MYO18B: variants seen among roughly 807,000 people sequenced by gnomAD.
The protein encoded by MYO18B is myosin XVIIIB.
MYO18B carries 204 observed loss-of-function variants against 273.0 expected under a neutral mutation model. The observed-to-expected ratio is 0.75, with a 90% CI of 0.67 to 0.84. The LOEUF (loss-of-function observed/expected upper bound fraction) is 0.84, where lower values mean the gene tolerates loss of function less well. Among genes scored for constraint, MYO18B ranks in the 40% least tolerant of loss-of-function variants. The probability of loss-of-function intolerance (pLI) is 0.00; values close to 1 mark genes in which losing one functional copy is unlikely to be tolerated. For missense variants in MYO18B, 3,212 were observed against 3,287.6 expected, an observed-to-expected ratio of 0.98 and a Z score of 0.56; for synonymous variants, 1,330 against 1,305.7, an observed-to-expected ratio of 1.02 and a Z score of -0.40.
At chr22:25,997,610 T>C (rs1933432756) in intron 40 of MYO18B, among the ~76,000 whole-genome samples, 1 of 152,170 alleles carries the variant, frequency 6.6e-6, no homozygotes, top group South Asian at 2.1e-4. Flanking sequence ...AAATTGCCCA[T>C]GAAGTCTCAA....
At position 25,952,436 on chromosome 22, in the gene MYO18B, T is replaced by A. The variant is rs760323799; in HGVS notation, c.5970+13T>A. The A allele has an allele frequency of 9.3e-6, 15 of 1,612,586 alleles. No homozygotes were observed. The highest frequency in any genetic ancestry group is 1.0e-5 in the Non-Finnish European group (12 of 1,179,426). On this transcript the variant is annotated intron_variant, in intron 38 of 43. Transcript: ENST00000335473. The stretch of plus-strand genomic sequence containing the variant: ...TAAGAGATTTGAGGTACGTAGTGAT[T>A]CATAAATAGTGCCTGGGCCAAGAGC...
At chr22:25,799,689 T>A (rs2088100845) in intron 12 of MYO18B, among the ~76,000 whole-genome samples, 1 of 152,222 alleles carries the variant, frequency 6.6e-6, no homozygotes, top group South Asian at 2.1e-4. Context: ...TCCCGGGCCC[T>A]GTGGCCTATT....
At chr22:25,980,766 G>A (rs1240998195) in intron 39 of MYO18B, among the ~76,000 whole-genome samples, 5 of 152,168 alleles carry the variant, frequency 3.3e-5, no homozygotes, top group African/African-American at 7.2e-5. Context: ...AAAAGAGCAC[G>A]TGGTGTTGTA....
At chr22:25,854,348 A>G (rs1024778423) in intron 21 of MYO18B, among the ~76,000 whole-genome samples, 2 of 152,218 alleles carry the variant, frequency 1.3e-5, no homozygotes, top group African/African-American at 2.4e-5. Context: ...ACCATGAGCT[A>G]AGACAGTATT....
chr22:25,928,037 C>T (rs1361294437), intron 34 of MYO18B, among the ~76,000 whole-genome samples: 7 of 151,988 alleles, frequency 4.6e-5, no homozygotes, highest in Non-Finnish European at 7.4e-5. Context: ...AACACCAGTG[C>T]GTAAAAGGGC....
chr22:25,973,719 G>A (rs1601727385), intron 39 of MYO18B, among the ~76,000 whole-genome samples: 2 of 152,166 alleles, frequency 1.3e-5, no homozygotes, highest in East Asian at 3.9e-4. Flanking sequence ...TCTCAAACAA[G>A]CATAATCCTT....
intron 34 of MYO18B, among the ~76,000 whole-genome samples, chr22:25,928,951 C>T (rs1212651732): frequency 1.3e-5 from 2 of 152,072 alleles, no homozygotes; most frequent in Non-Finnish European, 2.9e-5. Flanking sequence ...CACCTGAGGT[C>T]AGGAGTTCAA....
chr22:26,002,124 G>T (rs1934011579), intron 40 of MYO18B, among the ~76,000 whole-genome samples: 1 of 152,190 alleles, frequency 6.6e-6, no homozygotes. Context: ...AGCTGCTTTT[G>T]TTCCACTGCA....
chr22:25,752,836 G>T (rs1418568495), intron 1 of MYO18B, among the ~76,000 whole-genome samples: 1 of 152,172 alleles, frequency 6.6e-6, no homozygotes, highest in Non-Finnish European at 1.5e-5. Flanking sequence ...TGGAGGGAGG[G>T]ACGCAGGCGG....
chr22:25,968,174 T>C (rs1283863470), intron 39 of MYO18B, among the ~76,000 whole-genome samples: 1 of 152,046 alleles, frequency 6.6e-6, no homozygotes, highest in Non-Finnish European at 1.5e-5. Flanking sequence ...AGAAGTAGAA[T>C]CTCATTGACC....
At chr22:26,004,643 CT>C in intron 41 of MYO18B, 74 bp from the exon 42 acceptor site, 1 of 1,562,888 alleles carries the variant, frequency 6.4e-7, no homozygotes, top group Non-Finnish European at 8.7e-7. Context: ...CTGGCTTATG[CT>C]ATGGGTGAAT....
At chr22:26,007,581 C>T (rs542816369) in intron 42 of MYO18B, among the ~76,000 whole-genome samples, 1 of 152,130 alleles carries the variant, frequency 6.6e-6, no homozygotes, top group South Asian at 2.1e-4. Flanking sequence ...TACTGAGCAC[C>T]AGATCCTACG....
In MYO18B at chr22:25,777,726, G is replaced by C. The variant is rs1434042649; in HGVS notation, c.2013G>C (p.Glu671Asp). The C allele has an allele frequency of 6.2e-7, 1 of 1,611,036 alleles. No individual in the cohort carries two copies. Among genetic ancestry groups the C allele is most frequent in the Non-Finnish European group, 8.5e-7 (1 of 1,178,472 alleles). The change falls in exon 8 of 44, where the codon GAG (glutamate) becomes GAC (aspartate). Residue 671 changes from glutamate (E) to aspartate (D), a missense_variant. By Grantham distance (45) the Glu-to-Asp change is conservative. Coordinates refer to ENST00000335473, the MANE Select transcript of MYO18B (RefSeq NM_032608.7). ...GCGCTGGGAAGACCACCTGCTGTGA[G>C]CAGGTCCTGGAACACCTGGTGGGGA... is the stretch of plus-strand genomic sequence containing the variant. Reference protein sequence around the residue: ...WSGAGKTTCCEQVLEHLVGMA... With the variant: ...WSGAGKTTCCDQVLEHLVGMA...
chr22:25,824,448 G>C (rs2089413063), intron 13 of MYO18B, among the ~76,000 whole-genome samples: 1 of 152,130 alleles, frequency 6.6e-6, no homozygotes, highest in South Asian at 2.1e-4. Context: ...AACTGCCGTG[G>C]GGGAAAAACA....
At chr22:25,795,023 TGCCTG>T (rs1268006347) in intron 11 of MYO18B, among the ~76,000 whole-genome samples, 1 of 152,244 alleles carries the variant, frequency 6.6e-6, no homozygotes, top group East Asian at 1.9e-4. Context: ...CAGGCTTTTG[TGCCTG>T]GCTTCTTTGA....
chr22:26,003,163 T>C, intron 40 of MYO18B, 102 bp from the exon 41 acceptor site: 1 of 1,047,672 alleles, frequency 9.5e-7, no homozygotes, highest in Non-Finnish European at 1.5e-6. Flanking sequence ...GGGCAAAGGT[T>C]GGAAGTGGGA....
chr22:25,801,719 G>A (rs1396072669), intron 12 of MYO18B, among the ~76,000 whole-genome samples: 1 of 152,150 alleles, frequency 6.6e-6, no homozygotes, highest in Non-Finnish European at 1.5e-5. Context: ...TGGGGCCATT[G>A]TGCTGAGTGT....
Position 25,843,911 on chromosome 22 carries a change from T to C in MYO18B, c.3368+17T>C, listed in dbSNP as rs2145998415. 6.3e-7 allele frequency: 1 copy of C among 1,593,100 alleles called. No individual in the cohort carries two copies. Among genetic ancestry groups the C allele is most frequent in the South Asian group, 1.1e-5 (1 of 90,380 alleles). On this transcript the variant is annotated intron_variant, in intron 18 of 43. Coordinates refer to ENST00000335473, the MANE Select transcript of MYO18B (RefSeq NM_032608.7). Reference sequence around the variant, plus strand: ...GTCAAAAAGGTGAGTTGGGTCAGGGTTGGGGACGGGGATGGAGCATTGGAG... The same window carrying C: ...GTCAAAAAGGTGAGTTGGGTCAGGGCTGGGGACGGGGATGGAGCATTGGAG...
intron 17 of MYO18B, among the ~76,000 whole-genome samples, chr22:25,835,823 G>T (rs1194763998): frequency 6.6e-6 from 1 of 152,248 alleles, no homozygotes; most frequent in Non-Finnish European, 1.5e-5. Context: ...CTAACAGAGA[G>T]CCAGGAACAC....
Sources: gnomAD v4.1 joint callset for allele counts (sites outside exome capture counted in the v4.1 genomes callset) on GRCh38, gnomAD v4.1.1 for gene constraint, MANE v1.5 for transcripts, NCBI Gene and HGNC (gene_info 2026-07-23, HGNC 2026-07-21) for gene names.